The following SYT2 variants were observed in gnomAD, a reference collection of about 807,000 sequenced individuals.
SYT2 encodes the protein synaptotagmin 2.
SYT2 carries 15 observed loss-of-function variants against 39.9 expected under a neutral mutation model. The observed-to-expected ratio is 0.38, with a 90% CI of 0.25 to 0.58. The LOEUF (loss-of-function observed/expected upper bound fraction) is 0.58. Ranked by LOEUF, SYT2 falls within the 20% of genes least tolerant of loss-of-function variation. The pLI is 0.70. For synonymous variants in SYT2, 181 were observed against 204.5 expected (o/e 0.89, Z 0.98); for missense variants, 389 against 530.3 (o/e 0.73, Z 2.62).
At chr1:202,654,174 G>A (rs1253131456) in intron 1 of SYT2, among the ~76,000 whole-genome samples, 2 of 152,228 alleles carry the variant, frequency 1.3e-5, no homozygotes, top group Non-Finnish European at 2.9e-5. Flanking sequence ...AAATAATTAA[G>A]TGTCTTTCCC....
At chr1:202,657,793 G>T (rs865969209) in intron 1 of SYT2, among the ~76,000 whole-genome samples, 3 of 152,100 alleles carry the variant, frequency 2.0e-5, no homozygotes, top group Non-Finnish European at 4.4e-5. Flanking sequence ...GGCTCCTGGA[G>T]GGTGAAAGCA....
chr1:202,605,916 G>A lies in SYT2; in HGVS notation c.-17-127C>T, dbSNP rs1690689540. The A allele has an allele frequency of 6.4e-6, 4 of 625,260 alleles. No individual in the cohort carries two copies. In the Admixed American group the frequency reaches 1.2e-4, roughly 19 times the overall value. 38.7% of individuals were successfully genotyped at this position (625,260 alleles called of 1,614,324 possible). On this transcript the variant is annotated intron_variant, in intron 1 of 8. Transcript: ENST00000367268. Reference sequence around the variant, plus strand: ...GATATTTTGCATAATATTAACAACTGTAGTAAACCAATAATAATAGACATC... The same window carrying A: ...GATATTTTGCATAATATTAACAACTATAGTAAACCAATAATAATAGACATC...
intron 1 of SYT2, among the ~76,000 whole-genome samples, chr1:202,645,495 GA>G (rs1028720248): frequency 6.6e-6 from 1 of 152,194 alleles, no homozygotes; most frequent in African/African-American, 2.4e-5. Flanking sequence ...GCTTGACAGG[GA>G]AAGCTTATGC....
intron 1 of SYT2, among the ~76,000 whole-genome samples, chr1:202,613,350 G>A (rs2149077925): frequency 6.6e-6 from 1 of 152,152 alleles, no homozygotes; most frequent in Non-Finnish European, 1.5e-5. Context: ...CGAAGTGCTG[G>A]GATTACAGGC....
intron 1 of SYT2, among the ~76,000 whole-genome samples, chr1:202,662,202 G>A (rs1692394871): frequency 6.6e-6 from 1 of 152,230 alleles, no homozygotes; most frequent in African/African-American, 2.4e-5. Flanking sequence ...CATGGGCAAA[G>A]ACCAGGAAGC....
chr1:202,702,405 C>T (rs996436881), intron 1 of SYT2, among the ~76,000 whole-genome samples: 2 of 152,222 alleles, frequency 1.3e-5, no homozygotes, highest in African/African-American at 4.8e-5. Context: ...TAAAGTGATG[C>T]CTTTTCCTAC....
Position 202,596,999 on chromosome 1 carries a change from AGACGTGGGATCCCAT to A in SYT2, c.1054-51_1054-37del, listed in dbSNP as rs1403256094. On this transcript the variant is annotated intron_variant, in intron 8 of 8. Transcript: ENST00000367268. ...AACGAGGGAGGGAGTTGGCAGACAG[AGACGTGGGATCCCAT>A]GACCAAATTTATCCTCCATCAACCT... 4 of 1,591,076 alleles carry A rather than the reference AGACGTGGGATCCCAT, an allele frequency of 2.5e-6. No homozygotes were observed. In the African/African-American group the frequency reaches 5.4e-5, roughly 21 times the overall value.
At chr1:202,603,531 G>A (rs1011582858) in intron 3 of SYT2, among the ~76,000 whole-genome samples, 8 of 152,150 alleles carry the variant, frequency 5.3e-5, no homozygotes, top group African/African-American at 1.7e-4. Flanking sequence ...CCAGAAGTAC[G>A]GTCCAGGCAG....
At chr1:202,692,664 C>T (rs1653866932) in intron 1 of SYT2, among the ~76,000 whole-genome samples, 1 of 152,162 alleles carries the variant, frequency 6.6e-6, no homozygotes, top group African/African-American at 2.4e-5. Context: ...AAGTGGGGCC[C>T]GTAAAGAGGA....
chr1:202,672,249 A>C (rs983146742), intron 1 of SYT2, among the ~76,000 whole-genome samples: 1 of 152,236 alleles, frequency 6.6e-6, no homozygotes, highest in African/African-American at 2.4e-5. Flanking sequence ...CCCAAAATTC[A>C]TATGTTGAAA....
chr1:202,700,597 T>A (rs1654094802), intron 1 of SYT2, among the ~76,000 whole-genome samples: 1 of 152,218 alleles, frequency 6.6e-6, no homozygotes, highest in African/African-American at 2.4e-5. Context: ...TAAGTAACTA[T>A]ATTTTCCAAG....
chr1:202,652,098 C>T (rs911043752), intron 1 of SYT2, among the ~76,000 whole-genome samples: 1 of 152,192 alleles, frequency 6.6e-6, no homozygotes, highest in Non-Finnish European at 1.5e-5. Flanking sequence ...CTATCGCAGC[C>T]AATCATTCAA....
chr1:202,603,726 C>T (rs972907216), intron 3 of SYT2, among the ~76,000 whole-genome samples: 4 of 152,166 alleles, frequency 2.6e-5, no homozygotes, highest in African/African-American at 9.7e-5. Context: ...CTGCAGGTTC[C>T]TTTTGGGCCC....
intron 1 of SYT2, among the ~76,000 whole-genome samples, chr1:202,648,209 CAG>C (rs990352928): frequency 6.6e-6 from 1 of 152,228 alleles, no homozygotes; most frequent in African/African-American, 2.4e-5. Context: ...TGTTTTGAGG[CAG>C]AGTCTCGCTC....
intron 1 of SYT2, among the ~76,000 whole-genome samples, chr1:202,671,271 C>T (rs1372275720): frequency 6.6e-6 from 1 of 152,168 alleles, no homozygotes; most frequent in Non-Finnish European, 1.5e-5. Context: ...GGAGTTGGAG[C>T]CAGAGGAAAG....
chr1:202,683,388 A>C (rs1653574725), intron 1 of SYT2, among the ~76,000 whole-genome samples: 1 of 152,190 alleles, frequency 6.6e-6, no homozygotes, highest in Non-Finnish European at 1.5e-5. Flanking sequence ...CCATAACTAC[A>C]TGCAACAACA....
intron 1 of SYT2, among the ~76,000 whole-genome samples, chr1:202,684,415 C>A (rs2149114087): frequency 6.6e-6 from 1 of 151,458 alleles, no homozygotes; most frequent in Admixed American, 6.6e-5. Flanking sequence ...TGGCTTATTT[C>A]AGTTAACATA....
chr1:202,642,498 C>T (rs1572651528), intron 1 of SYT2, among the ~76,000 whole-genome samples: 2 of 152,228 alleles, frequency 1.3e-5, no homozygotes, highest in African/African-American at 2.4e-5. Flanking sequence ...CAGCTGCCCC[C>T]TCCCATCGCC....
chr1:202,602,843 G>A (rs181863358), intron 4 of SYT2, among the ~76,000 whole-genome samples, 156 bp downstream of exon 4: 78 of 152,252 alleles, frequency 5.1e-4, no homozygotes, highest in Non-Finnish European at 8.8e-4. Flanking sequence ...CAGCATCAAT[G>A]TCCAGAGCTA....
Sources: gnomAD v4.1 joint callset for allele counts (sites outside exome capture counted in the v4.1 genomes callset) on GRCh38, gnomAD v4.1.1 for gene constraint, MANE v1.5 for transcripts, NCBI Gene and HGNC (gene_info 2026-07-23, HGNC 2026-07-21) for gene names.